ITGA11: variants seen among roughly 807,000 people sequenced by gnomAD.
The protein encoded by ITGA11 is integrin alpha-11.
In ITGA11, 97 loss-of-function variants were observed where a neutral mutation model predicts 141.9. The ratio of observed to expected loss-of-function variants is 0.68; its 90% confidence interval spans 0.58 to 0.81. The LOEUF is 0.81. Among genes scored for constraint, ITGA11 ranks in the 30% least tolerant of loss-of-function variants. The pLI, the probability that ITGA11 is intolerant of heterozygous loss-of-function variation, is 0.00. For synonymous variants in ITGA11, 658 were observed against 624.6 expected (o/e 1.05, Z -0.80); for missense variants, 1,387 against 1,559.2 (o/e 0.89, Z 1.86).
intron 7 of ITGA11, among the ~76,000 whole-genome samples, chr15:68,355,934 G>A (rs552068065): frequency 1.4e-4 from 22 of 152,198 alleles, no homozygotes; most frequent in African/African-American, 4.1e-4. Flanking sequence ...TTTAGGCCTC[G>A]GCTCAAGAGA....
In ITGA11 at chr15:68,403,037, A is replaced by C. The variant is rs1457404576; in HGVS notation, c.53-8T>G. On this transcript the variant is annotated splice_polypyrimidine_tract_variant and splice_region_variant and intron_variant, in intron 1 of 29. Coordinates refer to ENST00000315757, the MANE Select transcript of ITGA11 (RefSeq NM_001004439.2). ...TGAAGGTGTCCGTGAACCCTGAGGC[A>C]GGGGGAGAGGAGAGGAGAAGCAGGG... is the stretch of plus-strand genomic sequence containing the variant. 3 of 1,591,734 alleles carry C rather than the reference A, an allele frequency of 1.9e-6. No individual in the cohort carries two copies. Among genetic ancestry groups the C allele is most frequent in the African/African-American group, 1.3e-5 (1 of 74,614 alleles).
rs1303470870 is a variant in ITGA11, at chr15:68,335,824, A to C, written c.1298T>G (p.Val433Gly). Residue 433 changes from valine (V) to glycine (G), a missense_variant, in exon 12 of 30, where the codon GTG (valine) becomes GGG (glycine). Coordinates refer to ENST00000315757, the MANE Select transcript of ITGA11 (RefSeq NM_001004439.2). The surrounding 1 kb of genome is among the most constrained non-coding windows in gnomAD (Gnocchi z 4.9). ...GTACACCCGCCCCTGCCTGGAGGAC[A>C]CGACCGATGTGACTGTGTACCCTGC... ...AYLGYTVTSV[V>G]SSRQGRVYVA... 6.2e-7 allele frequency: 1 copy of C among 1,613,280 alleles called. No homozygotes were observed. Among genetic ancestry groups the C allele is most frequent in the Non-Finnish European group, 8.5e-7 (1 of 1,179,622 alleles).
chr15:68,364,902 G>A (rs140989427), intron 3 of ITGA11, 104 bp from the exon 4 acceptor site: 7 of 1,083,838 alleles, frequency 6.5e-6, no homozygotes, highest in Non-Finnish European at 9.7e-6. Context: ...GATTCTCCCT[G>A]ACCCTGGGGA....
At chr15:68,430,493 C>T (rs1000336183) in intron 1 of ITGA11, among the ~76,000 whole-genome samples, 3 of 152,204 alleles carry the variant, frequency 2.0e-5, no homozygotes, top group Non-Finnish European at 4.4e-5. Context: ...TCTTAGCTTC[C>T]TGAGGTCCAG....
intron 9 of ITGA11, among the ~76,000 whole-genome samples, chr15:68,349,714 A>G (rs1000337052): frequency 6.6e-6 from 1 of 152,138 alleles, no homozygotes; most frequent in Non-Finnish European, 1.5e-5. Flanking sequence ...CCACTGTAGC[A>G]ATTTATGGTG....
rs186335125 is a variant in ITGA11 at position 68,353,595 on chromosome 15, G to A, written c.750-2193C>T. On this transcript the variant is annotated intron_variant, in intron 7 of 29. Transcript: ENST00000315757. ...GTGAATGTCATATGAATCTGTAATC[G>A]TGCGAATATCAGCATGAATCATCAG... 3.3e-5 allele frequency among the ~76,000 whole-genome samples: 5 copies of A among 152,276 alleles called. No homozygotes were observed. The East Asian group carries it at 5.8e-4, about 18-fold the overall frequency.
rs1182926850 is a variant in ITGA11, at chr15:68,299,802, A to C, written c.*3257T>G. 1 of 152,204 alleles carries C rather than the reference A, an allele frequency of 6.6e-6. No individual in the cohort carries two copies. Among genetic ancestry groups the C allele is most frequent in the Non-Finnish European group, 1.5e-5 (1 of 68,030 alleles). 9.4% of individuals were successfully genotyped at this position (152,204 alleles called of 1,614,324 possible). The stretch of plus-strand genomic sequence containing the variant: ...ATCTTGTGAAGACCTCTAGGGATGG[A>C]AAGGTCCACACTGTCTCCTAGAAGC... On this transcript the variant is annotated 3_prime_UTR_variant, in exon 30 of 30. Transcript: ENST00000315757.
intron 1 of ITGA11, among the ~76,000 whole-genome samples, chr15:68,407,275 G>T (rs571543904): frequency 1.2e-4 from 19 of 152,258 alleles, no homozygotes; most frequent in African/African-American, 4.6e-4. Context: ...ACCTCACTGG[G>T]GACAGGATTA....
At chr15:68,415,033 C>G (rs1190967577) in intron 1 of ITGA11, among the ~76,000 whole-genome samples, 1 of 152,138 alleles carries the variant, frequency 6.6e-6, no homozygotes, top group African/African-American at 2.4e-5. Context: ...TTGCAAAAGA[C>G]CCCCCTGTTT....
chr15:68,311,532 A>C, intron 24 of ITGA11, 129 bp from the exon 25 acceptor site: 3 of 644,376 alleles, frequency 4.7e-6, no homozygotes, highest in Admixed American at 5.1e-5. Context: ...CCCACTCAAG[A>C]CCCCTGGTGT....
rs1009705069 is a variant in ITGA11 at position 68,335,208 on chromosome 15, CCCCA to C, written c.1425+485_1425+488del. 1.3e-5 allele frequency among the ~76,000 whole-genome samples: 2 copies of C among 152,186 alleles called. No homozygotes were observed. The highest frequency in any genetic ancestry group is 6.5e-5 in the Admixed American group (1 of 15,294). On this transcript the variant is annotated intron_variant, in intron 12 of 29. Transcript: ENST00000315757. The surrounding 1 kb of genome is among the most constrained non-coding windows in gnomAD (Gnocchi z 4.9). ...TCAGGAGGTGGCATGATGCAGGCAGCCCCACCAAGAGGGTTCTTGGCTTGACCCA... is the reference window on the plus strand; with the variant it reads ...TCAGGAGGTGGCATGATGCAGGCAGCCCAAGAGGGTTCTTGGCTTGACCCA...
chr15:68,426,836 G>A (rs1340222068), intron 1 of ITGA11, among the ~76,000 whole-genome samples: 5 of 151,758 alleles, frequency 3.3e-5, no homozygotes, highest in South Asian at 4.2e-4. Flanking sequence ...TCAACATGGC[G>A]AAAACCCATC....
chr15:68,409,344 C>G (rs988214750), intron 1 of ITGA11, among the ~76,000 whole-genome samples: 3 of 152,088 alleles, frequency 2.0e-5, no homozygotes, highest in Non-Finnish European at 2.9e-5. Flanking sequence ...TTTATCTTTG[C>G]CCAGTGCCCA....
chr15:68,307,385 C>A lies in ITGA11; in HGVS notation c.3344G>T (p.Ser1115Ile), dbSNP rs1893233540. Residue 1115 changes from serine to isoleucine, a missense_variant, in exon 28 of 30, where the codon AGC becomes ATC. By Grantham distance (142) the Ser-to-Ile change is moderately radical. Transcript: ENST00000315757. This position sits in a 1 kb window ranked among gnomAD's most constrained non-coding sequence, Gnocchi z 6.1. ...VNAALQRQFH[S>I]PFIFREEDPS... is the part of the protein sequence containing the mutation. The stretch of plus-strand genomic sequence containing the variant: ...ATCCTCCTCACGGAAGATGAAGGGG[C>A]TGTGGAACTGCCTCTGCAAGGCTGC... 8 of 1,558,420 alleles carry A rather than the reference C, an allele frequency of 5.1e-6. No individual in the cohort carries two copies. Among genetic ancestry groups the A allele is most frequent in the Non-Finnish European group, 7.0e-6 (8 of 1,150,404 alleles).
chr15:68,410,911 G>T (rs944149469), intron 1 of ITGA11, among the ~76,000 whole-genome samples: 3 of 152,190 alleles, frequency 2.0e-5, no homozygotes, highest in Non-Finnish European at 4.4e-5. Flanking sequence ...GGAGAAGCAG[G>T]GATACTGCCC....
At position 68,297,004 on chromosome 15, in the gene ITGA11, A is replaced by T. The variant is rs1276269589; in HGVS notation, c.*6055T>A. ...ACCCAGGCTGGAGTGCAGTGGTGCC[A>T]TCATGGCTTACTGTCGCCTTGATCT... is the stretch of plus-strand genomic sequence containing the variant. On this transcript the variant is annotated 3_prime_UTR_variant, in exon 30 of 30. Transcript: ENST00000315757. The T allele has an allele frequency of 6.6e-6, 1 of 152,208 alleles. No individual in the cohort carries two copies. The highest frequency in any genetic ancestry group is 1.5e-5 in the Non-Finnish European group (1 of 68,066). The allele number at this position is 152,208 out of a possible 1,614,324, so 9.4% of individuals were successfully genotyped here.
In ITGA11 at chr15:68,307,748, G is replaced by GTT; in HGVS notation, c.3175-53_3175-52insAA. 7.8e-7 allele frequency: 1 copy of GTT among 1,288,988 alleles called. No individual in the cohort carries two copies. Among genetic ancestry groups the GTT allele is most frequent in the Non-Finnish European group, 1.1e-6 (1 of 893,330 alleles). The allele number at this position is 1,288,988 out of a possible 1,614,324, so 79.8% of individuals were successfully genotyped here. A position where few individuals can be genotyped will look rare whatever the true frequency, so the allele number is the denominator to read the frequency against. On this transcript the variant is annotated intron_variant, in intron 26 of 29. Coordinates refer to ENST00000315757, the MANE Select transcript of ITGA11 (RefSeq NM_001004439.2). The surrounding 1 kb of genome is among the most constrained non-coding windows in gnomAD (Gnocchi z 6.1). ...TGAGCTGCTGGGCTAGGGGAGCAGGGGGCAGCAACACTGCTTGAACGACTG... is the reference window on the plus strand; with the variant it reads ...TGAGCTGCTGGGCTAGGGGAGCAGGGTTGGCAGCAACACTGCTTGAACGACTG...
intron 2 of ITGA11, among the ~76,000 whole-genome samples, chr15:68,399,156 G>T (rs1896402039): frequency 6.6e-6 from 1 of 151,960 alleles, no homozygotes; most frequent in Non-Finnish European, 1.5e-5. Flanking sequence ...TTAAAAAGAG[G>T]GCAAAGGACA....
chr15:68,301,702 G>C lies in ITGA11; in HGVS notation c.*1357C>G, dbSNP rs1489008843. 6.6e-6 allele frequency: 1 copy of C among 152,498 alleles called. No homozygotes were observed. Among genetic ancestry groups the C allele is most frequent in the African/African-American group, 2.4e-5 (1 of 41,420 alleles). The allele number at this position is 152,498 out of a possible 1,614,324, so 9.4% of individuals were successfully genotyped here. On this transcript the variant is annotated 3_prime_UTR_variant, in exon 30 of 30. Coordinates refer to ENST00000315757, the MANE Select transcript of ITGA11 (RefSeq NM_001004439.2). This position sits in a 1 kb window ranked among gnomAD's most constrained non-coding sequence, Gnocchi z 4.4. The stretch of plus-strand genomic sequence containing the variant: ...CCCACAGAATGGGATGTCAGTGCTT[G>C]GTTGTTTTTAAACACTGTATTTTTA...
Sources: gnomAD v4.1 joint callset for allele counts (sites outside exome capture counted in the v4.1 genomes callset) on GRCh38, gnomAD v4.1.1 for gene constraint, Gnocchi (gnomAD v3.1) non-coding constraint, MANE v1.5 for transcripts, NCBI Gene and HGNC (gene_info 2026-07-23, HGNC 2026-07-21) for gene names.